EHD4: variants seen among roughly 807,000 people sequenced by gnomAD.
EHD4 encodes the protein EH domain containing 4, also known as EH domain-containing protein 4.
A neutral mutation model predicts 51.0 loss-of-function variants in EHD4; 37 were observed. The ratio of observed to expected loss-of-function variants is 0.73; its 90% CI spans 0.56 to 0.95. The LOEUF (loss-of-function observed/expected upper bound fraction) is 0.95, where lower values mean the gene tolerates loss of function less well. EHD4 is among the 40% of genes least tolerant of loss of function. The pLI is 0.00. For missense variants in EHD4, 632 were observed against 733.1 expected, an observed-to-expected ratio of 0.86 and a Z score of 1.59; for synonymous variants, 297 against 317.3, an observed-to-expected ratio of 0.94 and a Z score of 0.68.
At chr15:41,951,408 C>T (rs1272463332) in intron 2 of EHD4, among the ~76,000 whole-genome samples, 5 of 152,134 alleles carry the variant, frequency 3.3e-5, no homozygotes, top group African/African-American at 1.2e-4. Context: ...CATTCAAAAT[C>T]GTTCCTAAAA....
intron 3 of EHD4, among the ~76,000 whole-genome samples, chr15:41,938,660 C>G (rs1006522428): frequency 2.0e-5 from 3 of 152,112 alleles, no homozygotes; most frequent in African/African-American, 7.2e-5. Flanking sequence ...AGAGCTTTTT[C>G]CTTCTAGAGT....
chr15:41,949,016 C>CTATATATATATATA lies in EHD4; in HGVS notation c.413+4734_413+4747dup, dbSNP rs3035677. Among the ~76,000 whole-genome samples, 366 of 92,414 alleles carry CTATATATATATATA rather than the reference C, an allele frequency of 4.0e-3. 1 individual carries two copies. The highest frequency in any genetic ancestry group is 5.6e-3 in the Non-Finnish European group (267 of 48,030). The allele number at this position is 92,414 out of a possible 152,430, so 60.6% of individuals were successfully genotyped here. A position where few individuals can be genotyped will look rare whatever the true frequency, so the allele number is the denominator to read the frequency against. Reference sequence around the variant, plus strand: ...CTCCAGCCTGGGCAACAGAGTGAGACTATATATATATATATATATATATAT... The same window carrying CTATATATATATATA: ...CTCCAGCCTGGGCAACAGAGTGAGACTATATATATATATATATATATATATATATATATATATAT... On this transcript the variant is annotated intron_variant, in intron 2 of 5. Coordinates refer to ENST00000220325, the MANE Select transcript of EHD4 (RefSeq NM_139265.4).
Position 41,919,623 on chromosome 15 carries a change from C to T in EHD4, c.512-1G>A. 6.6e-7 allele frequency: 1 copy of T among 1,510,094 alleles called. No individual in the cohort carries two copies. Among genetic ancestry groups the T allele is most frequent in the Non-Finnish European group, 8.8e-7 (1 of 1,130,224 alleles). 93.5% of individuals were successfully genotyped at this position (1,510,094 alleles called of 1,614,324 possible). A position where few individuals can be genotyped will look rare whatever the true frequency, so the allele number is the denominator to read the frequency against. On this transcript the variant is annotated splice_acceptor_variant, in intron 3 of 5. Transcript: ENST00000220325. LOFTEE classifies it high-confidence loss of function. ...TGCAGGACCTGGCAGAAGTCATAGC[C>T]TGGGTGGAGAGAAGGACACGTCAGT...
chr15:41,972,037 A>G (rs1185777200), intron 1 of EHD4, among the ~76,000 whole-genome samples: 6 of 152,088 alleles, frequency 3.9e-5, no homozygotes, highest in Non-Finnish European at 8.8e-5. Flanking sequence ...CCGAACCGCA[A>G]GGAAGGAGGG....
In EHD4 at chr15:41,934,871, C is replaced by T. The variant is rs536966968; in HGVS notation, c.511+8196G>A. Reference sequence around the variant, plus strand: ...GTGGCAGGCCCAGGGCTGTTCTTGCCCAGTACAGGAAGACCCGGACATTCC... The same window carrying T: ...GTGGCAGGCCCAGGGCTGTTCTTGCTCAGTACAGGAAGACCCGGACATTCC... On this transcript the variant is annotated intron_variant, in intron 3 of 5. Coordinates refer to ENST00000220325, the MANE Select transcript of EHD4 (RefSeq NM_139265.4). 1.6e-4 allele frequency among the ~76,000 whole-genome samples: 24 copies of T among 152,288 alleles called. No individual in the cohort carries two copies. In the East Asian group the frequency reaches 2.5e-3, roughly 16 times the overall value.
chr15:41,922,650 T>G (rs980371240), intron 3 of EHD4, among the ~76,000 whole-genome samples: 13 of 152,226 alleles, frequency 8.5e-5, no homozygotes, highest in African/African-American at 2.9e-4. Context: ...TGTTTAAACT[T>G]TAACTTAAAT....
intron 4 of EHD4, among the ~76,000 whole-genome samples, chr15:41,915,706 T>C (rs950019213): frequency 1.3e-5 from 2 of 152,352 alleles, no homozygotes; most frequent in Admixed American, 1.3e-4. Flanking sequence ...GTAAATGACA[T>C]GTTCCAAACC....
chr15:41,972,148 T>G (rs1310334954), intron 1 of EHD4, 111 bp downstream of exon 1: 1 of 1,140,522 alleles, frequency 8.8e-7, no homozygotes, highest in African/African-American at 1.6e-5. Context: ...CCGGGAGGGG[T>G]CCCCGAGGTC....
Position 41,900,818 on chromosome 15 carries a change from C to T in EHD4, c.1453G>A (p.Gly485Ser). ...VTSKLPNSVL[G>S]KIWKLADCDC... is the part of the protein sequence containing the mutation. ...CAGTCGGCCAGCTTCCAGATCTTGC[C>T]CAGGACGCTGTTGGGCAGCTTGGAG... The change falls in exon 6 of 6, where the codon GGC becomes AGC. Residue 485 changes from glycine (G) to serine (S), a missense_variant. Coordinates refer to ENST00000220325, the MANE Select transcript of EHD4 (RefSeq NM_139265.4). The surrounding 1 kb of genome is among the most constrained non-coding windows in gnomAD (Gnocchi z 4.8). 5 of 1,614,178 alleles carry T rather than the reference C, an allele frequency of 3.1e-6. No individual in the cohort carries two copies. The highest frequency in any genetic ancestry group is 4.2e-6 in the Non-Finnish European group (5 of 1,180,036).
At chr15:41,915,085 GACACACACACACAC>G (rs10552371) in intron 4 of EHD4, among the ~76,000 whole-genome samples, 2 of 149,668 alleles carry the variant, frequency 1.3e-5, no homozygotes, top group South Asian at 4.2e-4. Context: ...CAGTCTTGGA[GACACACACACACAC>G]ACACACACAC....
At chr15:41,970,056 CTCAAGATGAATCCATGGT>C (rs1218995637) in intron 1 of EHD4, among the ~76,000 whole-genome samples, 3 of 152,214 alleles carry the variant, frequency 2.0e-5, no homozygotes, top group Non-Finnish European at 4.4e-5. Context: ...AACCCTTCCG[CTCAAGATGAATCCATGGT>C]TCATTTACAG....
intron 2 of EHD4, among the ~76,000 whole-genome samples, chr15:41,952,419 AAT>A (rs1322974335): frequency 6.6e-6 from 1 of 152,160 alleles, no homozygotes; most frequent in Non-Finnish European, 1.5e-5. Flanking sequence ...GAAAGAGGGA[AAT>A]AGAGGGGTGG....
intron 5 of EHD4, among the ~76,000 whole-genome samples, chr15:41,903,914 G>A (rs1298037888): frequency 6.6e-6 from 1 of 152,120 alleles, no homozygotes; most frequent in African/African-American, 2.4e-5. Flanking sequence ...TCTCTCAAAC[G>A]CAGTCACTAG....
chr15:41,938,947 T>C (rs2067748663), intron 3 of EHD4, among the ~76,000 whole-genome samples: 1 of 152,220 alleles, frequency 6.6e-6, no homozygotes, highest in African/African-American at 2.4e-5. Context: ...AAATATATCC[T>C]AGATTATGTT....
chr15:41,939,524 A>G (rs905396030), intron 3 of EHD4, among the ~76,000 whole-genome samples: 5 of 152,050 alleles, frequency 3.3e-5, no homozygotes, highest in Non-Finnish European at 7.4e-5. Flanking sequence ...TGGTTACCAT[A>G]CTGATTATCA....
chr15:41,910,013 G>C, intron 4 of EHD4, 150 bp from the exon 5 acceptor site: 1 of 986,306 alleles, frequency 1.0e-6, no homozygotes. Flanking sequence ...GGTCCAGGGG[G>C]AGTGGAGCTG....
chr15:41,917,417 C>T (rs966238476), intron 4 of EHD4, among the ~76,000 whole-genome samples: 2 of 152,196 alleles, frequency 1.3e-5, no homozygotes, highest in African/African-American at 4.8e-5. Flanking sequence ...CCGTGCCCGG[C>T]CTCCTTATTT....
At chr15:41,920,168 T>C (rs577176825) in intron 3 of EHD4, among the ~76,000 whole-genome samples, 1 of 152,258 alleles carries the variant, frequency 6.6e-6, no homozygotes, top group Non-Finnish European at 1.5e-5. Flanking sequence ...CAGCCAGTGT[T>C]GTGATCAATA....
intron 2 of EHD4, among the ~76,000 whole-genome samples, chr15:41,952,088 G>GTT (rs2067855655): frequency 6.6e-6 from 1 of 152,246 alleles, no homozygotes; most frequent in Non-Finnish European, 1.5e-5. Flanking sequence ...TCCCCGGAGA[G>GTT]TTCCATCTTC....
Sources: gnomAD v4.1 joint callset for allele counts (sites outside exome capture counted in the v4.1 genomes callset) on GRCh38, gnomAD v4.1.1 for gene constraint, Gnocchi (gnomAD v3.1) non-coding constraint, MANE v1.5 for transcripts, NCBI Gene and HGNC (gene_info 2026-07-23, HGNC 2026-07-21) for gene names.